THSD7A: variants seen among roughly 807,000 people sequenced by gnomAD.
THSD7A encodes the protein thrombospondin type-1 domain-containing protein 7A.
A neutral mutation model predicts 231.3 loss-of-function variants in THSD7A; 96 were observed. The ratio of observed to expected loss-of-function variants is 0.41; its 90% CI spans 0.35 to 0.49. THSD7A has a LOEUF of 0.49. Among genes scored for constraint, THSD7A ranks in the 20% least tolerant of loss-of-function variants. The probability of loss-of-function intolerance (pLI) is 0.05; values close to 1 mark genes in which losing one functional copy is unlikely to be tolerated. For missense variants in THSD7A, 2,290 were observed against 2,070.2 expected (o/e 1.11, Z -2.06); for synonymous variants, 940 against 743.3 (o/e 1.26, Z -4.30).
At chr7:11,718,698 A>G (rs1781232007) in intron 1 of THSD7A, among the ~76,000 whole-genome samples, 2 of 151,672 alleles carry the variant, frequency 1.3e-5, no homozygotes. Flanking sequence ...TTATTAATTG[A>G]TAAGACATAA....
chr7:11,729,318 G>A (rs1454967202), intron 1 of THSD7A, among the ~76,000 whole-genome samples: 3 of 151,746 alleles, frequency 2.0e-5, no homozygotes, highest in African/African-American at 7.2e-5. Context: ...TAACAAAAGT[G>A]GTGTTTTGTG....
chr7:11,462,206 G>C (rs1376013664), intron 9 of THSD7A, 63 bp from the exon 10 acceptor site: 2 of 1,560,876 alleles, frequency 1.3e-6, no homozygotes, highest in Non-Finnish European at 1.7e-6. Flanking sequence ...CTAAATACCA[G>C]TCTGTGTGAA....
rs77344492 is a variant in THSD7A, at chr7:11,721,320, A to G, written c.191-84359T>C. Reference sequence around the variant, plus strand: ...TGGAAGGTGATTGGATCATGGGAACATATTTTCCCCTTGCTAATCTTATGA... The same window carrying G: ...TGGAAGGTGATTGGATCATGGGAACGTATTTTCCCCTTGCTAATCTTATGA... On this transcript the variant is annotated intron_variant, in intron 1 of 27. Transcript: ENST00000423059. Among the ~76,000 whole-genome samples, 24 of 151,840 alleles carry G rather than the reference A, an allele frequency of 1.6e-4. No homozygotes were observed. The East Asian group carries it at 4.7e-3, about 30-fold the overall frequency.
In THSD7A at chr7:11,377,966, C is replaced by G. The variant is rs1231446519; in HGVS notation, c.4801+1104G>C. ...GTCTGCTAGTCCATTGTCTTAAACA[C>G]TGAGGGAAGAGTTTCCCATGCTTAC... On this transcript the variant is annotated intron_variant, in intron 26 of 27. Transcript: ENST00000423059. This position sits in a 1 kb window ranked among gnomAD's most constrained non-coding sequence, Gnocchi z 4.5. The G allele has an allele frequency of 6.6e-6, 1 of 151,902 alleles. No individual in the cohort carries two copies. The allele number at this position is 151,902 out of a possible 1,614,324, so 9.4% of individuals were successfully genotyped here. A position where few individuals can be genotyped will look rare whatever the true frequency, so the allele number is the denominator to read the frequency against.
At chr7:11,792,494 G>A (rs1217442553) in intron 1 of THSD7A, among the ~76,000 whole-genome samples, 1 of 151,690 alleles carries the variant, frequency 6.6e-6, no homozygotes, top group Admixed American at 6.6e-5. Flanking sequence ...CTTATAGTGG[G>A]GACAATCTAA....
At chr7:11,816,692 T>C (rs1040885418) in intron 1 of THSD7A, among the ~76,000 whole-genome samples, 3 of 151,526 alleles carry the variant, frequency 2.0e-5, no homozygotes, top group African/African-American at 7.3e-5. Context: ...CACAAAACTT[T>C]GTAAAATAAA....
At chr7:11,468,977 C>T (rs1244748628) in intron 9 of THSD7A, among the ~76,000 whole-genome samples, 1 of 151,802 alleles carries the variant, frequency 6.6e-6, no homozygotes, top group African/African-American at 2.4e-5. Flanking sequence ...TATAGTAACA[C>T]AGTAAAAGTA....
intron 1 of THSD7A, among the ~76,000 whole-genome samples, chr7:11,700,423 C>G (rs1209812106): frequency 6.6e-6 from 1 of 151,020 alleles, no homozygotes; most frequent in Non-Finnish European, 1.5e-5. Context: ...CTAAAAATAT[C>G]CACTTAATAA....
At chr7:11,773,614 A>G (rs904431737) in intron 1 of THSD7A, among the ~76,000 whole-genome samples, 8 of 152,194 alleles carry the variant, frequency 5.3e-5, no homozygotes, top group African/African-American at 1.7e-4. Flanking sequence ...AAGGGAAAAC[A>G]TCAAACATAT....
At chr7:11,620,876 T>C (rs1781284954) in intron 2 of THSD7A, among the ~76,000 whole-genome samples, 1 of 152,184 alleles carries the variant, frequency 6.6e-6, no homozygotes, top group Non-Finnish European at 1.5e-5. Context: ...AAGCTCACTA[T>C]GGACTATTCA....
At chr7:11,578,398 T>C (rs1791011851) in intron 4 of THSD7A, among the ~76,000 whole-genome samples, 1 of 152,164 alleles carries the variant, frequency 6.6e-6, no homozygotes, top group Admixed American at 6.5e-5. Context: ...ACCTTATAAA[T>C]TAAATGTCCA....
At chr7:11,609,225 G>C (rs887490371) in intron 2 of THSD7A, among the ~76,000 whole-genome samples, 1 of 152,010 alleles carries the variant, frequency 6.6e-6, no homozygotes, top group African/African-American at 2.4e-5. Context: ...AGCTTCCCCA[G>C]CTTCTCACAA....
intron 1 of THSD7A, among the ~76,000 whole-genome samples, chr7:11,699,570 C>A (rs1780514145): frequency 6.6e-6 from 1 of 151,222 alleles, no homozygotes; most frequent in Non-Finnish European, 1.5e-5. Flanking sequence ...AAGCATAATG[C>A]AGAAATCATT....
At position 11,446,547 on chromosome 7, in the gene THSD7A, A is replaced by C. The variant is rs1375525405; in HGVS notation, c.2801-223T>G. Among the ~76,000 whole-genome samples, 3 of 152,108 alleles carry C rather than the reference A, an allele frequency of 2.0e-5. No homozygotes were observed. The highest frequency in any genetic ancestry group is 7.2e-5 in the African/African-American group (3 of 41,426). The stretch of plus-strand genomic sequence containing the variant: ...GTAAAATTTGTATTATTTTTTCAGA[A>C]CACTATTTTTCACATACTTTTTAAT... On this transcript the variant is annotated intron_variant, in intron 12 of 27. Coordinates refer to ENST00000423059, the MANE Select transcript of THSD7A (RefSeq NM_015204.3). The surrounding 1 kb of genome is among the most constrained non-coding windows in gnomAD (Gnocchi z 4.0).
intron 1 of THSD7A, among the ~76,000 whole-genome samples, chr7:11,687,963 T>C (rs1033638112): frequency 6.6e-6 from 1 of 151,704 alleles, no homozygotes; most frequent in South Asian, 2.1e-4. Flanking sequence ...ACAATGTGCA[T>C]GTTAGTTACA....
chr7:11,400,893 C>A (rs191495529), intron 23 of THSD7A, among the ~76,000 whole-genome samples: 94 of 152,292 alleles, frequency 6.2e-4, no homozygotes, highest in Non-Finnish European at 1.1e-3. Flanking sequence ...ACACCCTCTA[C>A]CAAATAGCAA....
chr7:11,441,791 G>A (rs562346130), intron 13 of THSD7A, among the ~76,000 whole-genome samples: 2 of 151,986 alleles, frequency 1.3e-5, no homozygotes, highest in South Asian at 4.2e-4. Flanking sequence ...AGAACACATG[G>A]ACAGAAGGGA....
At chr7:11,706,534 G>A (rs889402424) in intron 1 of THSD7A, among the ~76,000 whole-genome samples, 1 of 147,270 alleles carries the variant, frequency 6.8e-6, no homozygotes, top group African/African-American at 2.5e-5. Flanking sequence ...GTGGTCTTTA[G>A]TAACATCTAT....
In THSD7A at chr7:11,371,879, G is replaced by A. The variant is rs1782068082; in HGVS notation, c.*3915C>T. ...TGACACTTTGATTCTAATAGGGAAG[G>A]AAATATAGGAATTCTTTTTTTTTTA... On this transcript the variant is annotated 3_prime_UTR_variant, in exon 28 of 28. Coordinates refer to ENST00000423059, the MANE Select transcript of THSD7A (RefSeq NM_015204.3). The A allele has an allele frequency of 6.6e-6, 1 of 151,698 alleles. No homozygotes were observed. The allele number at this position is 151,698 out of a possible 1,614,324, so 9.4% of individuals were successfully genotyped here. A position where few individuals can be genotyped will look rare whatever the true frequency, so the allele number is the denominator to read the frequency against.
Sources: gnomAD v4.1 joint callset for allele counts (sites outside exome capture counted in the v4.1 genomes callset) on GRCh38, gnomAD v4.1.1 for gene constraint, Gnocchi (gnomAD v3.1) non-coding constraint, MANE v1.5 for transcripts, NCBI Gene and HGNC (gene_info 2026-07-23, HGNC 2026-07-21) for gene names.